The following APOO variants were observed in gnomAD, a reference collection of about 807,000 sequenced individuals.
The protein encoded by APOO is MICOS complex subunit MIC26.
APOO carries 11 observed loss-of-function variants against 23.1 expected under a neutral mutation model. That is an observed-to-expected ratio of 0.48 (90% CI 0.30 to 0.79). The LOEUF (loss-of-function observed/expected upper bound fraction) is 0.79. Ranked by LOEUF, APOO falls within the 30% of genes least tolerant of loss-of-function variation. The pLI, the probability that APOO is intolerant of heterozygous loss-of-function variation, is 0.07. For missense variants in APOO, 160 were observed against 142.7 expected (o/e 1.12, Z -0.62); for synonymous variants, 59 against 54.8 (o/e 1.08, Z -0.34).
At chrX:23,838,914 T>G (rs1385582945) in intron 8 of APOO, among the ~76,000 whole-genome samples, 2 of 112,100 alleles carry the variant, frequency 1.8e-5, no homozygotes, top group African/African-American at 6.5e-5. Context: ...CTAATTTCCC[T>G]TTATTCTATG....
chrX:23,838,486 G>A (rs1923817515), intron 8 of APOO, among the ~76,000 whole-genome samples: 1 of 107,907 alleles, frequency 9.3e-6, no homozygotes, highest in Non-Finnish European at 1.9e-5. Context: ...GCACGATCTC[G>A]GCTCACTGCA....
intron 6 of APOO, among the ~76,000 whole-genome samples, chrX:23,858,332 C>T (rs998063477): frequency 9.0e-6 from 1 of 110,863 alleles, no homozygotes; most frequent in Non-Finnish European, 1.9e-5. Context: ...TAATTATCAG[C>T]TTTGGAATTT....
At chrX:23,849,747 G>T (rs1282341772) in intron 7 of APOO, among the ~76,000 whole-genome samples, 2 of 108,198 alleles carry the variant, frequency 1.8e-5, no homozygotes, top group Non-Finnish European at 3.8e-5. Context: ...CAAAAATTAG[G>T]CGGGGGCGGT....
chrX:23,845,461 T>A (rs770330592), intron 7 of APOO, among the ~76,000 whole-genome samples: 42 of 112,088 alleles, frequency 3.7e-4, no homozygotes, highest in Non-Finnish European at 7.5e-4. Context: ...GTAGAACTTA[T>A]TCTCTTTGCT....
At chrX:23,893,292 C>T (rs1309252037) in intron 1 of APOO, among the ~76,000 whole-genome samples, 3 of 107,422 alleles carry the variant, frequency 2.8e-5, no homozygotes, top group East Asian at 5.9e-4. Flanking sequence ...ATTAGCCAGG[C>T]GTGGTGGTGG....
At chrX:23,848,380 TCTCGAACTCCTGAC>T (rs2146973579) in intron 7 of APOO, among the ~76,000 whole-genome samples, 1 of 109,439 alleles carries the variant, frequency 9.1e-6, no homozygotes, top group Non-Finnish European at 1.9e-5. Context: ...GCCAGGCTGG[TCTCGAACTCCTGAC>T]CTCAGGTGAT....
At chrX:23,900,552 G>A (rs1191561598) in intron 1 of APOO, among the ~76,000 whole-genome samples, 3 of 109,357 alleles carry the variant, frequency 2.7e-5, no homozygotes, top group African/African-American at 1.0e-4. Context: ...GTGCATGCCT[G>A]TAGTCCCAGC....
intron 4 of APOO, among the ~76,000 whole-genome samples, 183 bp downstream of exon 4, chrX:23,874,220 A>G (rs1925743995): frequency 8.9e-6 from 1 of 111,767 alleles, no homozygotes; most frequent in South Asian, 3.7e-4. Context: ...ATTTGGGGAC[A>G]CTAGTTGCCT....
At chrX:23,881,193 G>T (rs1321603004) in intron 1 of APOO, among the ~76,000 whole-genome samples, 2 of 110,036 alleles carry the variant, frequency 1.8e-5, no homozygotes, top group African/African-American at 6.6e-5. Flanking sequence ...TTCTACCTCA[G>T]CCTCCCAAGT....
chrX:23,846,226 G>A (rs1219821360), intron 7 of APOO, among the ~76,000 whole-genome samples: 4 of 104,702 alleles, frequency 3.8e-5, no homozygotes, highest in East Asian at 3.0e-4. Flanking sequence ...CGGAAGAATC[G>A]CTTGAACCCA....
At chrX:23,845,094 T>G (rs1207085380) in intron 7 of APOO, among the ~76,000 whole-genome samples, 2 of 112,081 alleles carry the variant, frequency 1.8e-5, no homozygotes, top group Admixed American at 1.9e-4. Context: ...CTCCCGCTCC[T>G]CTTAGTCCAC....
intron 1 of APOO, among the ~76,000 whole-genome samples, chrX:23,887,229 CTTT>C (rs765596270): frequency 1.1e-3 from 60 of 54,206 alleles, no homozygotes; most frequent in African/African-American, 4.0e-3. Flanking sequence ...TTCTTTTTCC[CTTT>C]TTTTTTTTTT....
chrX:23,885,285 G>A (rs1043607553), intron 1 of APOO, among the ~76,000 whole-genome samples: 16 of 109,239 alleles, frequency 1.5e-4, no homozygotes, highest in Non-Finnish European at 2.3e-4. Context: ...TGTAATCCCA[G>A]CTACTCGGGA....
chrX:23,842,651 G>C lies in APOO; in HGVS notation c.562-2274C>G, dbSNP rs757538182. Among the ~76,000 whole-genome samples the C allele has an allele frequency of 6.3e-5, 7 of 111,264 alleles. No individual in the cohort carries two copies. The South Asian group carries it at 2.7e-3, about 42-fold the overall frequency. ...CAGACTAATGAAGAACAAGAAGAGA[G>C]AAAAAAAGGCTTATAAGGGCCAGTG... On this transcript the variant is annotated intron_variant, in intron 7 of 8. Coordinates refer to ENST00000379226, the MANE Select transcript of APOO (RefSeq NM_024122.5).
intron 5 of APOO, 25 bp from the exon 6 acceptor site, chrX:23,858,758 C>T (rs746895189): frequency 7.0e-6 from 8 of 1,137,129 alleles, no homozygotes; most frequent in Non-Finnish European, 9.6e-6. Context: ...GTTGTACACG[C>T]CATCAGATGA....
At chrX:23,848,781 C>CTT (rs774406476) in intron 7 of APOO, among the ~76,000 whole-genome samples, 5 of 105,450 alleles carry the variant, frequency 4.7e-5, no homozygotes, top group Non-Finnish European at 9.7e-5. Context: ...TGCCTTGCAG[C>CTT]TTCAAGCAAT....
intron 5 of APOO, among the ~76,000 whole-genome samples, chrX:23,863,465 T>C (rs1288079368): frequency 2.7e-5 from 3 of 111,675 alleles, no homozygotes; most frequent in Non-Finnish European, 3.8e-5. Flanking sequence ...GCAGCAAATA[T>C]CCAGAATGGC....
intron 5 of APOO, among the ~76,000 whole-genome samples, chrX:23,864,830 T>C (rs887037145): frequency 5.4e-5 from 6 of 111,650 alleles, no homozygotes; most frequent in Middle Eastern, 4.6e-3. Flanking sequence ...TCCCTGCATA[T>C]GGCCCCTCCC....
intron 7 of APOO, among the ~76,000 whole-genome samples, chrX:23,847,145 A>AT (rs1924281840): frequency 9.0e-6 from 1 of 111,391 alleles, no homozygotes; most frequent in South Asian, 3.8e-4. Flanking sequence ...ACATCTTCAC[A>AT]TGCTAGATAG....
Sources: allele counts gnomAD v4.1 joint callset (sites outside exome capture counted in the v4.1 genomes callset), GRCh38; gene constraint gnomAD v4.1.1; transcripts MANE v1.5; gene names NCBI Gene and HGNC (gene_info 2026-07-23, HGNC 2026-07-21).